The following SIK3 variants were observed in gnomAD, a reference collection of about 807,000 sequenced individuals.
The protein encoded by SIK3 is SIK family kinase 3, also known as serine/threonine-protein kinase SIK3.
A neutral mutation model predicts 144.2 loss-of-function variants in SIK3; 28 were observed. The ratio of observed to expected loss-of-function variants is 0.19; its 90% CI spans 0.14 to 0.27. The LOEUF (loss-of-function observed/expected upper bound fraction) is 0.27. Ranked by LOEUF, SIK3 falls within the 10% of genes least tolerant of loss-of-function variation. SIK3 has a pLI of 1.00. For synonymous variants in SIK3, 686 were observed against 676.3 expected, an observed-to-expected ratio of 1.01 and a Z score of -0.22; for missense variants, 1,319 against 1,776.0, an observed-to-expected ratio of 0.74 and a Z score of 4.62.
chr11:116,950,228 G>A (rs747376364), intron 3 of SIK3: 1 of 458,410 alleles, frequency 2.2e-6, no homozygotes, highest in Admixed American at 2.5e-5. Flanking sequence ...GCTCGGGGCA[G>A]AATGAGAATT....
At position 117,098,232 on chromosome 11, in the gene SIK3, G is replaced by C. The variant is rs866041644; in HGVS notation, c.184C>G (p.Arg62Gly). The C allele has an allele frequency of 6.7e-7, 1 of 1,491,622 alleles. No homozygotes were observed. The highest frequency in any genetic ancestry group is 8.9e-7 in the Non-Finnish European group (1 of 1,119,314). The allele number at this position is 1,491,622 out of a possible 1,614,324, so 92.4% of individuals were successfully genotyped here. The change falls in exon 1 of 25, where the codon CGT becomes GGT. Residue 62 changes from arginine to glycine, a missense_variant. Physicochemically the swap from Arg to Gly is moderately radical, Grantham distance 125. Coordinates refer to ENST00000445177, the MANE Select transcript of SIK3 (RefSeq NM_001366686.3). The part of the protein sequence containing the change: ...APASRGPMPA[R>G]IGYYEIDRTI... ...CGGTCGATCTCGTAGTAGCCGATAC[G>C]GGCGGGCATGGGTCCGCGGGAGGCC...
chr11:116,982,171 T>C (rs575661040), intron 1 of SIK3, among the ~76,000 whole-genome samples: 1 of 152,256 alleles, frequency 6.6e-6, no homozygotes, highest in South Asian at 2.1e-4. Flanking sequence ...CAGTCTCCAG[T>C]AGGACCTTCC....
intron 1 of SIK3, among the ~76,000 whole-genome samples, chr11:117,062,049 G>A (rs978333007): frequency 1.3e-5 from 2 of 151,770 alleles, no homozygotes; most frequent in Non-Finnish European, 2.9e-5. Context: ...GTCAAGCCAG[G>A]CACAGTGGTT....
chr11:117,082,039 C>G (rs1042926382), intron 1 of SIK3, among the ~76,000 whole-genome samples: 3 of 152,210 alleles, frequency 2.0e-5, no homozygotes, highest in Admixed American at 1.3e-4. Flanking sequence ...TGAAATGATG[C>G]TCACTACCAT....
intron 3 of SIK3, among the ~76,000 whole-genome samples, chr11:116,942,633 G>GA (rs1591384705): frequency 1.3e-5 from 2 of 152,288 alleles, no homozygotes; most frequent in East Asian, 3.9e-4. Context: ...AGACTGGCAA[G>GA]AAACAGGAGA....
chr11:116,944,716 A>AT (rs2135305732), intron 3 of SIK3, among the ~76,000 whole-genome samples: 1 of 152,286 alleles, frequency 6.6e-6, no homozygotes, highest in East Asian at 1.9e-4. Flanking sequence ...AACCGGGAGT[A>AT]TATTAGCTTT....
At chr11:116,896,437 T>A (rs762727012) in intron 5 of SIK3, 61 bp from the exon 6 acceptor site, 1 of 1,568,582 alleles carries the variant, frequency 6.4e-7, no homozygotes, top group East Asian at 2.3e-5. Context: ...AAAAGACTAC[T>A]GTAGTGTGTG....
At chr11:117,044,849 C>T (rs1244224995) in intron 1 of SIK3, among the ~76,000 whole-genome samples, 1 of 152,152 alleles carries the variant, frequency 6.6e-6, no homozygotes, top group Non-Finnish European at 1.5e-5. Context: ...CGTCACTGCA[C>T]TCCAGCCTGG....
intron 21 of SIK3, among the ~76,000 whole-genome samples, chr11:116,851,898 G>A (rs936161473): frequency 6.6e-6 from 1 of 152,224 alleles, no homozygotes; most frequent in Non-Finnish European, 1.5e-5. Context: ...GAAGCAATGC[G>A]AGCAGCCGCT....
intron 1 of SIK3, among the ~76,000 whole-genome samples, chr11:116,998,461 A>G (rs929539241): frequency 1.4e-4 from 16 of 114,688 alleles, no homozygotes; most frequent in African/African-American, 5.5e-4. Flanking sequence ...AAAGAACAAG[A>G]CTCCGTCTTA....
intron 1 of SIK3, among the ~76,000 whole-genome samples, chr11:117,085,504 A>G (rs895213979): frequency 1.3e-5 from 2 of 152,218 alleles, no homozygotes; most frequent in African/African-American, 4.8e-5. Flanking sequence ...TACCGATGAA[A>G]TGAAAGGATT....
rs767897079 is a variant in SIK3 at position 116,897,173 on chromosome 11, A to C, written c.741+20T>G. The stretch of plus-strand genomic sequence containing the variant: ...AAGGGTAGCTAATGCTGTGGGGTAT[A>C]AGAGAAGGCAGTTACTTACCCAGAT... On this transcript the variant is annotated intron_variant, in intron 5 of 24. Coordinates refer to ENST00000445177, the MANE Select transcript of SIK3 (RefSeq NM_001366686.3). The C allele has an allele frequency of 1.2e-6, 2 of 1,612,764 alleles. No individual in the cohort carries two copies. The highest frequency in any genetic ancestry group is 4.5e-5 in the East Asian group (2 of 44,840).
At chr11:117,025,405 GTT>G (rs1054629183) in intron 1 of SIK3, among the ~76,000 whole-genome samples, 61 of 152,182 alleles carry the variant, frequency 4.0e-4, no homozygotes, top group Middle Eastern at 3.4e-3. Flanking sequence ...TTGAATTTTA[GTT>G]TCCTCATCAC....
intron 8 of SIK3, 39 bp downstream of exon 8, chr11:116,876,214 T>C: frequency 6.4e-7 from 1 of 1,574,574 alleles, no homozygotes; most frequent in Admixed American, 1.9e-5. Flanking sequence ...TTAGAGGAAC[T>C]GCTACATCCC....
intron 3 of SIK3, among the ~76,000 whole-genome samples, chr11:116,935,216 C>T (rs1947849716): frequency 6.6e-6 from 1 of 152,080 alleles, no homozygotes; most frequent in African/African-American, 2.4e-5. Context: ...CCACTGCACT[C>T]CAGCCTGGGC....
At chr11:117,062,991 T>C (rs1953863176) in intron 1 of SIK3, among the ~76,000 whole-genome samples, 1 of 152,238 alleles carries the variant, frequency 6.6e-6, no homozygotes. Flanking sequence ...TTAAATTCTT[T>C]TGCTGCAGAT....
At chr11:117,022,743 T>C (rs1400465226) in intron 1 of SIK3, among the ~76,000 whole-genome samples, 1 of 151,920 alleles carries the variant, frequency 6.6e-6, no homozygotes, top group Non-Finnish European at 1.5e-5. Flanking sequence ...TGAAATCTCA[T>C]TTATAACCAC....
intron 1 of SIK3, among the ~76,000 whole-genome samples, chr11:117,063,331 A>G (rs1953881983): frequency 1.3e-5 from 2 of 152,150 alleles, no homozygotes; most frequent in African/African-American, 4.8e-5. Flanking sequence ...CCCACAAAGG[A>G]GGGGGAAGAT....
At chr11:116,898,040 T>G (rs1945513401) in intron 4 of SIK3, among the ~76,000 whole-genome samples, 1 of 152,068 alleles carries the variant, frequency 6.6e-6, no homozygotes, top group African/African-American at 2.4e-5. Flanking sequence ...TAGTTACATA[T>G]GTATACATGT....
Sources: gnomAD v4.1 joint callset for allele counts (sites outside exome capture counted in the v4.1 genomes callset) on GRCh38, gnomAD v4.1.1 for gene constraint, MANE v1.5 for transcripts, NCBI Gene and HGNC (gene_info 2026-07-23, HGNC 2026-07-21) for gene names.